Variants in FTO observed in about 807,000 individuals in gnomAD.
FTO encodes the protein alpha-ketoglutarate-dependent dioxygenase FTO.
FTO carries 47 observed loss-of-function variants against 63.9 expected under a neutral mutation model. That is an observed-to-expected ratio of 0.74 (90% CI 0.58 to 0.94). The LOEUF (loss-of-function observed/expected upper bound fraction) is 0.94, where lower values mean the gene tolerates loss of function less well. Among genes scored for constraint, FTO ranks in the 40% least tolerant of loss-of-function variants. The probability of loss-of-function intolerance (pLI) is 0.00; values close to 1 mark genes in which losing one functional copy is unlikely to be tolerated. For missense variants in FTO, 562 were observed against 618.1 expected (o/e 0.91, Z 0.96); for synonymous variants, 207 against 224.4 (o/e 0.92, Z 0.69).
intron 7 of FTO, among the ~76,000 whole-genome samples, chr16:53,901,305 C>T (rs917647624): frequency 2.0e-5 from 3 of 152,176 alleles, no homozygotes; most frequent in African/African-American, 7.2e-5. Context: ...GTATGAACCA[C>T]TTATGATTCT....
intron 7 of FTO, among the ~76,000 whole-genome samples, chr16:53,908,054 A>G (rs1300390833): frequency 6.6e-6 from 1 of 152,184 alleles, no homozygotes; most frequent in African/African-American, 2.4e-5. Context: ...TGGTCATATA[A>G]TTTGTGAATC....
chr16:53,734,858 A>G (rs545685472), intron 1 of FTO, among the ~76,000 whole-genome samples: 71 of 152,336 alleles, frequency 4.7e-4, no homozygotes, highest in African/African-American at 1.7e-3. Flanking sequence ...GAGTTTTTAT[A>G]TTAGGAGGGA....
At chr16:54,097,866 G>A (rs1029147469) in intron 8 of FTO, among the ~76,000 whole-genome samples, 8 of 152,146 alleles carry the variant, frequency 5.3e-5, no homozygotes, top group Non-Finnish European at 1.0e-4. Flanking sequence ...TGAGTAAGGC[G>A]GTCAAGGAAG....
intron 8 of FTO, among the ~76,000 whole-genome samples, chr16:53,974,634 G>A (rs891155543): frequency 1.3e-5 from 2 of 151,630 alleles, no homozygotes; most frequent in Non-Finnish European, 2.9e-5. Flanking sequence ...ACTTGATGCT[G>A]TATTAAAGAT....
intron 8 of FTO, among the ~76,000 whole-genome samples, chr16:54,086,200 C>A (rs1378446457): frequency 6.6e-6 from 1 of 152,174 alleles, no homozygotes; most frequent in African/African-American, 2.4e-5. Context: ...AAATTTCACA[C>A]CTGACTGAAG....
At chr16:53,898,473 T>C (rs1356021065) in intron 7 of FTO, among the ~76,000 whole-genome samples, 3 of 152,190 alleles carry the variant, frequency 2.0e-5, no homozygotes, top group Non-Finnish European at 2.9e-5. Flanking sequence ...GCAATTATCC[T>C]ATATATCCAT....
At chr16:53,985,047 C>G in intron 8 of FTO, 1 of 454,114 alleles carries the variant, frequency 2.2e-6, no homozygotes, top group South Asian at 1.6e-5. Flanking sequence ...AATTTCTGGC[C>G]TCTGGCAAGA....
chr16:53,710,382 C>T (rs1196126198), intron 1 of FTO, among the ~76,000 whole-genome samples: 1 of 151,612 alleles, frequency 6.6e-6, no homozygotes, highest in Non-Finnish European at 1.5e-5. Flanking sequence ...TCTTCTGCCT[C>T]AGCCTCCTGA....
At chr16:54,095,157 A>G (rs1299147208) in intron 8 of FTO, among the ~76,000 whole-genome samples, 1 of 152,158 alleles carries the variant, frequency 6.6e-6, no homozygotes, top group Admixed American at 6.5e-5. Flanking sequence ...CTCCCACTGC[A>G]GCCTCCCAAG....
intron 8 of FTO, among the ~76,000 whole-genome samples, chr16:53,945,403 A>T (rs1420944968): frequency 6.6e-6 from 1 of 152,254 alleles, no homozygotes; most frequent in Non-Finnish European, 1.5e-5. Flanking sequence ...GCTAGTAAGT[A>T]GTGAAGATGG....
intron 2 of FTO, among the ~76,000 whole-genome samples, chr16:53,820,447 C>CCTA (rs2078827537): frequency 6.6e-6 from 1 of 151,306 alleles, no homozygotes; most frequent in South Asian, 2.1e-4. Flanking sequence ...ACAGAGGGCA[C>CCTA]CTATTTGAGG....
chr16:53,827,562 G>GA (rs879547468), intron 3 of FTO, among the ~76,000 whole-genome samples: 1 of 151,388 alleles, frequency 6.6e-6, no homozygotes, highest in African/African-American at 2.4e-5. Flanking sequence ...AGAGATTTAA[G>GA]AAAAAAAAGA....
intron 8 of FTO, among the ~76,000 whole-genome samples, chr16:53,940,362 A>G (rs568898410): frequency 1.3e-5 from 2 of 152,320 alleles, no homozygotes; most frequent in East Asian, 3.9e-4. Context: ...CCTGTTAAGA[A>G]TATTTGGCTT....
In FTO at chr16:54,112,483, C is replaced by T. The variant is rs567685332; in HGVS notation, c.*568C>T. On this transcript the variant is annotated 3_prime_UTR_variant, in exon 9 of 9. Coordinates refer to ENST00000471389, the MANE Select transcript of FTO (RefSeq NM_001080432.3). ...TGTGGCTAGTGACTGCTGTATTGGACGGTACAGATATGGAACATTTTCATC... is the reference window on the plus strand; with the variant it reads ...TGTGGCTAGTGACTGCTGTATTGGATGGTACAGATATGGAACATTTTCATC... 321 of 163,880 alleles carry T rather than the reference C, an allele frequency of 2.0e-3. 1 individual carries two copies. The highest frequency in any genetic ancestry group is 7.5e-3 in the African/African-American group (313 of 41,662). 10.2% of individuals were successfully genotyped at this position (163,880 alleles called of 1,614,324 possible).
At chr16:54,111,694 C>T (rs2086892125) in intron 8 of FTO, 68 bp from the exon 9 acceptor site, 2 of 1,560,836 alleles carry the variant, frequency 1.3e-6, no homozygotes, top group Non-Finnish European at 1.8e-6. Context: ...TTGCTCCAAG[C>T]TTCCTGTGGG....
chr16:54,099,144 C>T (rs1240276860), intron 8 of FTO, among the ~76,000 whole-genome samples: 8 of 152,124 alleles, frequency 5.3e-5, no homozygotes, highest in Admixed American at 3.9e-4. Context: ...TGATACTACC[C>T]GGTGGGGATT....
chr16:53,886,079 G>C (rs924086129), intron 6 of FTO, among the ~76,000 whole-genome samples: 4 of 152,150 alleles, frequency 2.6e-5, no homozygotes, highest in Non-Finnish European at 5.9e-5. Context: ...CTCAAAACAT[G>C]GTTGGGCATC....
chr16:53,988,184 C>T (rs1164423107), intron 8 of FTO, among the ~76,000 whole-genome samples: 4 of 152,162 alleles, frequency 2.6e-5, no homozygotes, highest in Admixed American at 6.5e-5. Context: ...TTCAGCTTTT[C>T]AGTGCAGTCA....
intron 3 of FTO, among the ~76,000 whole-genome samples, chr16:53,831,124 C>G (rs958106580): frequency 1.3e-5 from 2 of 152,134 alleles, no homozygotes; most frequent in Non-Finnish European, 2.9e-5. Context: ...TTTAACATGA[C>G]TTGCTCTATA....
Sources: allele counts gnomAD v4.1 joint callset (sites outside exome capture counted in the v4.1 genomes callset), GRCh38; gene constraint gnomAD v4.1.1; transcripts MANE v1.5; gene names NCBI Gene and HGNC (gene_info 2026-07-23, HGNC 2026-07-21).